Variants in XXYLT1 observed in about 807,000 individuals in gnomAD.
XXYLT1 encodes the protein xyloside xylosyltransferase 1, also known as UDP-xylose:alpha-xyloside alpha-1,3-xylosyltransferase.
Under a neutral mutation model 28.9 loss-of-function variants are expected in XXYLT1, and 20 were observed. That is an observed-to-expected ratio of 0.69 (90% CI 0.49 to 1.00). XXYLT1 has a LOEUF of 1.00. XXYLT1 is among the 50% of genes least tolerant of loss of function. The pLI is 0.00. For missense variants in XXYLT1, 542 were observed against 560.1 expected, an observed-to-expected ratio of 0.97 and a Z score of 0.33; for synonymous variants, 257 against 253.8, an observed-to-expected ratio of 1.01 and a Z score of -0.12.
Position 195,110,902 on chromosome 3 carries a change from A to T in XXYLT1, c.786-40791T>A, listed in dbSNP as rs77422518. 6.7e-4 allele frequency among the ~76,000 whole-genome samples: 18 copies of T among 26,988 alleles called. 1 individual carries two copies. The highest frequency in any genetic ancestry group is 1.0e-3 in the Non-Finnish European group (13 of 12,646). The allele number at this position is 26,988 out of a possible 152,430, so 17.7% of individuals were successfully genotyped here. On this transcript the variant is annotated intron_variant, in intron 3 of 3. Coordinates refer to ENST00000310380, the MANE Select transcript of XXYLT1 (RefSeq NM_152531.5). ...GTGTATGTGTGCGTGTGTGTGGGTG[A>T]GGTGTGTGGTGTGTGTGTGTGGTGT...
At chr3:195,134,737 C>A (rs1003631960) in intron 3 of XXYLT1, among the ~76,000 whole-genome samples, 9 of 152,180 alleles carry the variant, frequency 5.9e-5, no homozygotes, top group African/African-American at 2.2e-4. Flanking sequence ...TTCCTCCAGA[C>A]AGGCCTGCTC....
At chr3:195,247,307 C>T (rs992513892) in intron 1 of XXYLT1, among the ~76,000 whole-genome samples, 4 of 152,156 alleles carry the variant, frequency 2.6e-5, no homozygotes, top group Non-Finnish European at 4.4e-5. Flanking sequence ...GTGGGAGGGC[C>T]GTGAAGGCTT....
intron 3 of XXYLT1, among the ~76,000 whole-genome samples, chr3:195,116,718 G>A (rs1218342198): frequency 1.3e-5 from 2 of 152,202 alleles, no homozygotes; most frequent in East Asian, 3.8e-4. Context: ...GGAAAGGGAA[G>A]GTAAGTCATT....
intron 3 of XXYLT1, among the ~76,000 whole-genome samples, chr3:195,120,943 T>C (rs531425800): frequency 6.6e-6 from 1 of 152,198 alleles, no homozygotes; most frequent in Non-Finnish European, 1.5e-5. Context: ...ATCAGGCTCG[T>C]GGTGTTCCCC....
intron 2 of XXYLT1, among the ~76,000 whole-genome samples, chr3:195,191,473 A>AT (rs1196869355): frequency 6.6e-6 from 1 of 152,252 alleles, no homozygotes; most frequent in African/African-American, 2.4e-5. Flanking sequence ...CATACAGAAT[A>AT]TGTGTTAATT....
At chr3:195,264,492 C>T (rs966899666) in intron 1 of XXYLT1, among the ~76,000 whole-genome samples, 7 of 152,210 alleles carry the variant, frequency 4.6e-5, no homozygotes, top group African/African-American at 1.7e-4. Flanking sequence ...CCGTGCACCA[C>T]GGCGAACAAC....
chr3:195,218,610 A>G lies in XXYLT1; in HGVS notation c.652+8099T>C, dbSNP rs1434011306. ...CAGAGAAATGCAAATCAAAACCACA[A>G]TGAGATACCATCTCACACCGGTTCG... On this transcript the variant is annotated intron_variant, in intron 2 of 3. Transcript: ENST00000310380. Among the ~76,000 whole-genome samples the G allele has an allele frequency of 2.5e-3, 368 of 145,584 alleles. 2 individuals are homozygous for G. Among genetic ancestry groups the G allele is most frequent in the African/African-American group, 7.7e-3 (296 of 38,558 alleles).
intron 3 of XXYLT1, among the ~76,000 whole-genome samples, chr3:195,083,255 T>C (rs1715537839): frequency 6.6e-6 from 1 of 152,146 alleles, no homozygotes; most frequent in Non-Finnish European, 1.5e-5. Flanking sequence ...TAAGCCTTGA[T>C]AACCCCCTGC....
At chr3:195,084,238 A>G (rs1259571865) in intron 3 of XXYLT1, among the ~76,000 whole-genome samples, 1 of 152,158 alleles carries the variant, frequency 6.6e-6, no homozygotes, top group Non-Finnish European at 1.5e-5. Flanking sequence ...ATGAGGTCTG[A>G]ATTGCATCAG....
At chr3:195,143,838 A>ATC (rs1491570438) in intron 3 of XXYLT1, among the ~76,000 whole-genome samples, 6 of 79,286 alleles carry the variant, frequency 7.6e-5, no homozygotes, top group African/African-American at 3.9e-4. Flanking sequence ...ATAGATATAG[A>ATC]TATAGATATA....
At chr3:195,164,259 G>A (rs1721007175) in intron 2 of XXYLT1, among the ~76,000 whole-genome samples, 1 of 152,236 alleles carries the variant, frequency 6.6e-6, no homozygotes, top group Non-Finnish European at 1.5e-5. Context: ...CTAAGTCCAT[G>A]TCACTGGCCC....
chr3:195,142,724 C>T (rs374706827), intron 3 of XXYLT1, among the ~76,000 whole-genome samples: 35 of 152,236 alleles, frequency 2.3e-4, no homozygotes, highest in Admixed American at 9.8e-4. Context: ...GGCTGGGGTG[C>T]GTATGCACGC....
At chr3:195,132,378 G>C (rs1299432372) in intron 3 of XXYLT1, among the ~76,000 whole-genome samples, 1 of 151,772 alleles carries the variant, frequency 6.6e-6, no homozygotes, top group Non-Finnish European at 1.5e-5. Flanking sequence ...GAGGCAGGAG[G>C]ATCACTTGAG....
At chr3:195,206,667 G>A (rs1723084948) in intron 2 of XXYLT1, among the ~76,000 whole-genome samples, 1 of 152,006 alleles carries the variant, frequency 6.6e-6, no homozygotes, top group Middle Eastern at 3.4e-3. Flanking sequence ...TACTCAGGAG[G>A]CTGAGGCAGG....
intron 3 of XXYLT1, among the ~76,000 whole-genome samples, chr3:195,083,496 T>C (rs1207481443): frequency 6.6e-6 from 1 of 152,180 alleles, no homozygotes; most frequent in Non-Finnish European, 1.5e-5. Flanking sequence ...GTCCTTCTCC[T>C]CATCTCCTCC....
At chr3:195,177,613 CCT>C (rs1721733283) in intron 2 of XXYLT1, among the ~76,000 whole-genome samples, 1 of 151,982 alleles carries the variant, frequency 6.6e-6, no homozygotes. Flanking sequence ...ATGAGACCTG[CCT>C]TAGCAGTAGC....
chr3:195,110,815 G>A (rs1577041092), intron 3 of XXYLT1, among the ~76,000 whole-genome samples: 1 of 147,030 alleles, frequency 6.8e-6, no homozygotes, highest in East Asian at 2.1e-4. Flanking sequence ...GTGCGTGTGT[G>A]TGGTGTATAA....
rs61426369 is a variant in XXYLT1 at position 195,255,348 on chromosome 3, G to A, written c.504+15207C>T. Reference sequence around the variant, plus strand: ...CCTACCCCACACGGCTCGCACCCACGAGCTCAGCCCCCAGCAGGACCCAGT... The same window carrying A: ...CCTACCCCACACGGCTCGCACCCACAAGCTCAGCCCCCAGCAGGACCCAGT... On this transcript the variant is annotated intron_variant, in intron 1 of 3. Transcript: ENST00000310380. The surrounding 1 kb of genome is among the most constrained non-coding windows in gnomAD (Gnocchi z 4.5). Among the ~76,000 whole-genome samples the A allele has an allele frequency of 0.025, 3,831 of 152,178 alleles. 158 individuals carry two copies. Among genetic ancestry groups the A allele is most frequent in the African/African-American group, 0.085 (3,511 of 41,488 alleles).
chr3:195,221,233 C>T (rs1723809322), intron 2 of XXYLT1, among the ~76,000 whole-genome samples: 2 of 152,198 alleles, frequency 1.3e-5, no homozygotes, highest in African/African-American at 4.8e-5. Context: ...TTCACAGCCA[C>T]CTCCTCCAGG....
Sources: allele counts gnomAD v4.1 joint callset (sites outside exome capture counted in the v4.1 genomes callset), GRCh38; gene constraint gnomAD v4.1.1; non-coding constraint Gnocchi (gnomAD v3.1); transcripts MANE v1.5; gene names NCBI Gene and HGNC (gene_info 2026-07-23, HGNC 2026-07-21).